TJP1: variants seen among roughly 807,000 people sequenced by gnomAD.
TJP1 encodes the protein tight junction protein 1, also known as tight junction protein ZO-1.
TJP1 carries 43 observed loss-of-function variants against 194.2 expected under a neutral mutation model. The ratio of observed to expected loss-of-function variants is 0.22; its 90% CI spans 0.17 to 0.29. The LOEUF (loss-of-function observed/expected upper bound fraction) is 0.29, where lower values mean the gene tolerates loss of function less well. Ranked by LOEUF, TJP1 falls within the 10% of genes least tolerant of loss-of-function variation. The pLI, the probability that TJP1 is intolerant of heterozygous loss-of-function variation, is 1.00. For synonymous variants in TJP1, 801 were observed against 779.0 expected, an observed-to-expected ratio of 1.03 and a Z score of -0.47; for missense variants, 1,971 against 2,185.7, an observed-to-expected ratio of 0.90 and a Z score of 1.96.
intron 2 of TJP1, among the ~76,000 whole-genome samples, chr15:29,928,257 C>T (rs539747773): frequency 9.2e-5 from 14 of 152,168 alleles, no homozygotes; most frequent in African/African-American, 2.9e-4. Context: ...AACCAAAAGA[C>T]GAACCAATAA....
chr15:29,926,522 G>A (rs1384747197), intron 2 of TJP1, among the ~76,000 whole-genome samples: 2 of 151,784 alleles, frequency 1.3e-5, no homozygotes, highest in African/African-American at 4.8e-5. Flanking sequence ...TGAGGCAGGA[G>A]AATTGCTTGA....
upstream of TJP1, chr15:29,822,483 C>G (rs1444946213): frequency 1.0e-6 from 1 of 985,048 alleles, no homozygotes; most frequent in East Asian, 1.1e-4. Flanking sequence ...ACCTGCCGGC[C>G]CGGCCCACTG....
chr15:29,708,809 T>C lies in TJP1; in HGVS notation c.4600A>G (p.Ser1534Gly), dbSNP rs775295146. The change falls in exon 25 of 28, where the codon AGT becomes GGT. Residue 1534 changes from serine (S) to glycine (G), a missense_variant. Around this residue, in one of 5 missense-constraint regions of TJP1, gnomAD observed 1,108 missense variants for 1,128.5 expected, o/e 0.98. Transcript: ENST00000614355. The stretch of plus-strand genomic sequence containing the variant: ...TTGCGTTCAAATGGTCGGGCAGAAC[T>C]TGTATATGGTTTTGGTGTGAATCGA... Reference protein sequence around the residue: ...YNRFTPKPYTSSARPFERKFE... With the variant: ...YNRFTPKPYTGSARPFERKFE... 4 of 1,614,216 alleles carry C rather than the reference T, an allele frequency of 2.5e-6. No individual in the cohort carries two copies. Among genetic ancestry groups the C allele is most frequent in the Non-Finnish European group, 3.4e-6 (4 of 1,180,034 alleles).
intron 2 of TJP1, among the ~76,000 whole-genome samples, chr15:29,863,227 C>A (rs2052162212): frequency 6.6e-6 from 1 of 151,828 alleles, no homozygotes; most frequent in Non-Finnish European, 1.5e-5. Flanking sequence ...ACCCAGGAGG[C>A]GGATGTTGCA....
At position 29,718,687 on chromosome 15, in the gene TJP1, G is replaced by A. The variant is rs564233900; in HGVS notation, c.3455C>T (p.Ala1152Val). The A allele has an allele frequency of 2.3e-4, 366 of 1,614,186 alleles. 3 individuals carry two copies. The South Asian group carries it at 3.8e-3, about 17-fold the overall frequency. The change falls in exon 21 of 28, where the codon GCA becomes GTA. Residue 1152 changes from alanine to valine, a missense_variant. Coordinates refer to ENST00000614355, the MANE Select transcript of TJP1 (RefSeq NM_001330239.4). ...SRPRYEQAPRASALRHEEQPA... is the reference protein window; with the variant it reads ...SRPRYEQAPRVSALRHEEQPA... ...CTGCTCTTCGTGCCGCAGGGCGGAT[G>A]CTCTAGGTGCCTGTTCGTAACGTGG...
chr15:29,801,955 G>A (rs2048820829), intron 1 of TJP1, among the ~76,000 whole-genome samples: 1 of 152,006 alleles, frequency 6.6e-6, no homozygotes, highest in South Asian at 2.1e-4. Flanking sequence ...GTGTTGGGCC[G>A]CATGCGACCT....
intron 26 of TJP1, among the ~76,000 whole-genome samples, 190 bp downstream of exon 26, chr15:29,705,338 G>A (rs2041823993): frequency 6.6e-6 from 1 of 152,212 alleles, no homozygotes; most frequent in Non-Finnish European, 1.5e-5. Flanking sequence ...AGCAGGCAGT[G>A]TGGTCACCAC....
intron 2 of TJP1, among the ~76,000 whole-genome samples, chr15:29,870,581 G>A (rs1012291549): frequency 2.6e-5 from 4 of 152,192 alleles, no homozygotes; most frequent in Non-Finnish European, 2.9e-5. Context: ...AAATTCTCTG[G>A]AATGAACACA....
At chr15:29,722,583 G>A (rs2042996997) in intron 18 of TJP1, among the ~76,000 whole-genome samples, 3 of 152,220 alleles carry the variant, frequency 2.0e-5, no homozygotes, top group Non-Finnish European at 4.4e-5. Flanking sequence ...AGCACCTCCA[G>A]GGCAGTGTGG....
chr15:29,839,596 G>C (rs1469910852), intron 2 of TJP1, among the ~76,000 whole-genome samples: 2 of 152,134 alleles, frequency 1.3e-5, no homozygotes, highest in Middle Eastern at 6.3e-3. Context: ...AGCTATGACT[G>C]TGACACTTTA....
At chr15:29,956,242 C>A (rs1229885797) in exon 2 of TJP1, 1 of 1,287,060 alleles carries the variant, frequency 7.8e-7, no homozygotes, top group Non-Finnish European at 1.0e-6. Context: ...AGTGAGCTCA[C>A]AGAAATCCAT....
rs2042717656 is a variant in TJP1, at chr15:29,718,555, G to A, written c.3587C>T (p.Ser1196Leu). 2 of 1,614,144 alleles carry A rather than the reference G, an allele frequency of 1.2e-6. No homozygotes were observed. The highest frequency in any genetic ancestry group is 8.5e-7 in the Non-Finnish European group (1 of 1,180,032). Residue 1196 changes from serine (S) to leucine (L), a missense_variant, in exon 21 of 28, where the codon TCA (serine) becomes TTA (leucine). Physicochemically the swap from Ser to Leu is moderately radical, Grantham distance 145. This residue lies in a region of TJP1 where 1,108 missense variants were observed against 1,128.5 expected (regional missense o/e 0.98). Transcript: ENST00000614355. ...AESKQYFEQY[S>L]RSYEQVPPQG... ...GGGTGGTACTTGCTCGTAACTGCGTGAATATTGCTCAAAATACTGCTTGGA... is the reference window on the plus strand; with the variant it reads ...GGGTGGTACTTGCTCGTAACTGCGTAAATATTGCTCAAAATACTGCTTGGA...
At chr15:29,767,250 T>C (rs577210511) in intron 4 of TJP1, among the ~76,000 whole-genome samples, 1 of 152,166 alleles carries the variant, frequency 6.6e-6, no homozygotes, top group Non-Finnish European at 1.5e-5. Context: ...GTATTACACC[T>C]GCTGACTGAA....
At chr15:29,923,057 T>C (rs915707942) in intron 2 of TJP1, among the ~76,000 whole-genome samples, 3 of 152,160 alleles carry the variant, frequency 2.0e-5, no homozygotes, top group African/African-American at 7.2e-5. Context: ...AAGACTGACA[T>C]TTTTAGTGTG....
chr15:29,751,436 T>C (rs148024870), intron 8 of TJP1, among the ~76,000 whole-genome samples: 1 of 152,380 alleles, frequency 6.6e-6, no homozygotes, highest in African/African-American at 2.4e-5. Flanking sequence ...AGCTTATTCT[T>C]CTGTACAAGT....
At chr15:29,751,986 G>A (rs2045313725) in intron 8 of TJP1, among the ~76,000 whole-genome samples, 1 of 152,054 alleles carries the variant, frequency 6.6e-6, no homozygotes, top group Admixed American at 6.5e-5. Flanking sequence ...GTTCAGTGGC[G>A]TGATCATGGC....
intron 2 of TJP1, among the ~76,000 whole-genome samples, chr15:29,946,537 G>A (rs1476291879): frequency 2.0e-5 from 3 of 152,206 alleles, no homozygotes; most frequent in South Asian, 2.1e-4. Flanking sequence ...CATCATTTCC[G>A]TGGTATTTCT....
At chr15:29,849,256 T>C (rs1009317646) in intron 2 of TJP1, among the ~76,000 whole-genome samples, 1 of 152,146 alleles carries the variant, frequency 6.6e-6, no homozygotes, top group Non-Finnish European at 1.5e-5. Context: ...GTTACATGTA[T>C]GTTTGTTTTA....
chr15:29,708,805 G>C lies in TJP1; in HGVS notation c.4604C>G (p.Ser1535Cys). 6.2e-7 allele frequency: 1 copy of C among 1,614,184 alleles called. No individual in the cohort carries two copies. The highest frequency in any genetic ancestry group is 8.5e-7 in the Non-Finnish European group (1 of 1,180,050). Residue 1535 changes from serine (S) to cysteine (C), a missense_variant, in exon 25 of 28, where the codon TCT (serine) becomes TGT (cysteine). Physicochemically the swap from Ser to Cys is moderately radical, Grantham distance 112. Transcript: ENST00000614355. ...NRFTPKPYTS[S>C]ARPFERKFES... ...AAACTTGCGTTCAAATGGTCGGGCA[G>C]AACTTGTATATGGTTTTGGTGTGAA...
Sources: gnomAD v4.1 joint callset for allele counts (sites outside exome capture counted in the v4.1 genomes callset) on GRCh38, gnomAD v4.1.1 for gene constraint, gnomAD v4.1.1 regional missense constraint, MANE v1.5 for transcripts, NCBI Gene and HGNC (gene_info 2026-07-23, HGNC 2026-07-21) for gene names.